Variants in FXR1 observed in about 807,000 individuals in gnomAD.
FXR1 encodes the protein FMR1 autosomal homolog 1, also known as RNA-binding protein FXR1.
Under a neutral mutation model 84.0 loss-of-function variants are expected in FXR1, and 15 were observed. The ratio of observed to expected loss-of-function variants is 0.18; its 90% CI spans 0.12 to 0.27. The LOEUF is 0.27. Ranked by LOEUF, FXR1 falls within the 10% of genes least tolerant of loss-of-function variation. The pLI, the probability that FXR1 is intolerant of heterozygous loss-of-function variation, is 1.00. For missense variants in FXR1, 480 were observed against 774.4 expected (o/e 0.62, Z 4.51); for synonymous variants, 245 against 250.7 (o/e 0.98, Z 0.21).
chr3:180,948,611 A>G (rs571770378), intron 5 of FXR1, 110 bp from the exon 6 acceptor site: 1 of 997,544 alleles, frequency 1.0e-6, no homozygotes, highest in African/African-American at 1.6e-5. Context: ...ATCTTAATGA[A>G]CAAAGGTTTT....
At chr3:180,958,013 C>T (rs1334668099) in intron 10 of FXR1, 85 bp downstream of exon 10, 4 of 581,036 alleles carry the variant, frequency 6.9e-6, no homozygotes, top group African/African-American at 5.7e-5. Context: ...TCTGTTTTAT[C>T]TGATACAGAG....
chr3:180,934,511 A>G (rs759428711), intron 2 of FXR1, among the ~76,000 whole-genome samples: 2 of 152,256 alleles, frequency 1.3e-5, no homozygotes, highest in African/African-American at 4.8e-5. Flanking sequence ...TATTTGCTAC[A>G]GAGTTAAAAG....
chr3:180,938,651 C>T (rs1355136149), intron 3 of FXR1, among the ~76,000 whole-genome samples: 1 of 151,572 alleles, frequency 6.6e-6, no homozygotes, highest in East Asian at 1.9e-4. Context: ...CGGGTTCAAG[C>T]GATTCTCCTG....
At chr3:180,929,300 A>G (rs889807741) in intron 1 of FXR1, among the ~76,000 whole-genome samples, 3 of 152,158 alleles carry the variant, frequency 2.0e-5, no homozygotes, top group African/African-American at 7.2e-5. Context: ...CCGCCTATCC[A>G]TAGCAAGCTG....
chr3:180,962,780 C>A, intron 11 of FXR1, 103 bp from the exon 12 acceptor site: 1 of 741,680 alleles, frequency 1.3e-6, no homozygotes, highest in Non-Finnish European at 2.3e-6. Context: ...CATCTAATTG[C>A]CTAAGGTCAC....
At chr3:180,918,849 T>G (rs1189479359) in intron 1 of FXR1, among the ~76,000 whole-genome samples, 1 of 152,206 alleles carries the variant, frequency 6.6e-6, no homozygotes, top group Non-Finnish European at 1.5e-5. Flanking sequence ...AATTTCCCAT[T>G]TAATCCTTTC....
chr3:180,968,819 C>T (rs1328326308), intron 14 of FXR1, among the ~76,000 whole-genome samples: 1 of 152,132 alleles, frequency 6.6e-6, no homozygotes, highest in Non-Finnish European at 1.5e-5. Flanking sequence ...TTAATTACTT[C>T]TGTCTTCTAA....
intron 9 of FXR1, 58 bp downstream of exon 9, chr3:180,953,898 C>T (rs1008343681): frequency 2.3e-5 from 20 of 864,762 alleles, no homozygotes; most frequent in Admixed American, 4.0e-5. Flanking sequence ...TTACATATAG[C>T]GACTTAATTG....
chr3:180,962,878 TG>T lies in FXR1; in HGVS notation c.1078-4del. 1 of 1,595,148 alleles carries T rather than the reference TG, an allele frequency of 6.3e-7. No homozygotes were observed. Among genetic ancestry groups the T allele is most frequent in the East Asian group, 2.2e-5 (1 of 44,750 alleles). Reference sequence around the variant, plus strand: ...AAGACTTACTCTTTTTTGTTTTGATTGTAGGAAGTAGAACAGCTAAGAATGG... The same window carrying T: ...AAGACTTACTCTTTTTTGTTTTGATTTAGGAAGTAGAACAGCTAAGAATGG... On this transcript the variant is annotated splice_region_variant and splice_polypyrimidine_tract_variant and intron_variant, in intron 11 of 16. Coordinates refer to ENST00000357559, the MANE Select transcript of FXR1 (RefSeq NM_005087.4).
In FXR1 at chr3:180,968,102, A is replaced by T; in HGVS notation, c.1250A>T (p.Asp417Val). 6.2e-7 allele frequency: 1 copy of T among 1,613,842 alleles called. No individual in the cohort carries two copies. Among genetic ancestry groups the T allele is most frequent in the Non-Finnish European group, 8.5e-7 (1 of 1,179,724 alleles). Residue 417 changes from aspartate to valine, a missense_variant, in exon 14 of 17, where the codon GAC (aspartate) becomes GTC (valine). Asp to Val is a radical substitution (Grantham distance 152, BLOSUM62 -3). This residue lies in a region of FXR1 where 157 missense variants were observed against 227.8 expected (regional missense o/e 0.69). Transcript: ENST00000357559. The stretch of plus-strand genomic sequence containing the variant: ...TCTGAAACGGAATCTGAGCGTAAAG[A>T]CGAGCTGAGTGATTGGTCATTGGCA... ...NPSETESERK[D>V]ELSDWSLAGE...
At chr3:180,920,270 T>G (rs1363945585) in intron 1 of FXR1, among the ~76,000 whole-genome samples, 1 of 152,154 alleles carries the variant, frequency 6.6e-6, no homozygotes, top group East Asian at 1.9e-4. Flanking sequence ...AAGTCTTAAA[T>G]TTTGTTGATA....
chr3:180,948,830 A>G lies in FXR1; in HGVS notation c.513+16A>G. The G allele has an allele frequency of 9.3e-7, 1 of 1,077,924 alleles. No individual in the cohort carries two copies. The highest frequency in any genetic ancestry group is 1.4e-6 in the Non-Finnish European group (1 of 698,618). 66.8% of individuals were successfully genotyped at this position (1,077,924 alleles called of 1,614,324 possible). A position where few individuals can be genotyped will look rare whatever the true frequency, so the allele number is the denominator to read the frequency against. ...AATGATACTGGTAAGATAGTACCAT[A>G]TTATAAGGTAGCTTATTAATGGATA... On this transcript the variant is annotated intron_variant, in intron 6 of 16. Transcript: ENST00000357559.
intron 16 of FXR1, among the ~76,000 whole-genome samples, chr3:180,975,791 A>G (rs1310976095): frequency 2.6e-5 from 4 of 152,180 alleles, no homozygotes; most frequent in Non-Finnish European, 5.9e-5. Flanking sequence ...TAAGGTGAGT[A>G]AAGTAGGTGA....
At chr3:180,963,326 G>A (rs2108485312) in intron 13 of FXR1, among the ~76,000 whole-genome samples, 1 of 152,126 alleles carries the variant, frequency 6.6e-6, no homozygotes, top group Non-Finnish European at 1.5e-5. Context: ...ATGTTTTTAA[G>A]TTGGTAGTTC....
At chr3:180,916,858 C>G (rs570003051) in intron 1 of FXR1, among the ~76,000 whole-genome samples, 1 of 151,990 alleles carries the variant, frequency 6.6e-6, no homozygotes, top group Non-Finnish European at 1.5e-5. Context: ...TTTCTTGAGA[C>G]GGAGTCTTGC....
intron 15 of FXR1, among the ~76,000 whole-genome samples, chr3:180,974,160 CTT>C (rs200685504): frequency 2.1e-5 from 3 of 143,272 alleles, no homozygotes; most frequent in Admixed American, 7.0e-5. Context: ...AGTTTCAATT[CTT>C]TTTTTTTTTT....
intron 7 of FXR1, 125 bp downstream of exon 7, chr3:180,949,468 C>G (rs969978466): frequency 1.5e-6 from 1 of 675,276 alleles, no homozygotes; most frequent in African/African-American, 1.8e-5. Flanking sequence ...CTTACTGCAA[C>G]CTCCACCTCC....
chr3:180,943,980 G>A lies in FXR1; in HGVS notation c.199-3885G>A, dbSNP rs571601850. ...TGCCTAGGCTGGAGGGCAATGGCGCGATCTCAGCTCACCGCAGCCTCCGCC... is the reference window on the plus strand; with the variant it reads ...TGCCTAGGCTGGAGGGCAATGGCGCAATCTCAGCTCACCGCAGCCTCCGCC... On this transcript the variant is annotated intron_variant, in intron 3 of 16. Coordinates refer to ENST00000357559, the MANE Select transcript of FXR1 (RefSeq NM_005087.4). Among the ~76,000 whole-genome samples the A allele has an allele frequency of 9.9e-5, 15 of 151,960 alleles. 1 individual carries two copies. Among genetic ancestry groups the A allele is most frequent in the African/African-American group, 2.9e-4 (12 of 41,438 alleles).
intron 14 of FXR1, among the ~76,000 whole-genome samples, chr3:180,969,367 A>C (rs1713243658): frequency 6.6e-6 from 1 of 152,244 alleles, no homozygotes; most frequent in African/African-American, 2.4e-5. Context: ...CTGTTACCAA[A>C]GGAATCTTAG....
Sources: gnomAD v4.1 joint callset for allele counts (sites outside exome capture counted in the v4.1 genomes callset) on GRCh38, gnomAD v4.1.1 for gene constraint, gnomAD v4.1.1 regional missense constraint, MANE v1.5 for transcripts, NCBI Gene and HGNC (gene_info 2026-07-23, HGNC 2026-07-21) for gene names.